Variants in CCDC3 observed in about 807,000 individuals in gnomAD.
CCDC3 encodes coiled-coil domain containing 3.
CCDC3 carries 24 observed loss-of-function variants against 21.4 expected under a neutral mutation model. That is an observed-to-expected ratio of 1.12 (90% confidence interval 0.81 to 1.58). The LOEUF (loss-of-function observed/expected upper bound fraction) is 1.58, where lower values mean the gene tolerates loss of function less well. CCDC3 is among the 40% of genes most tolerant of loss of function. The pLI is 0.00. For missense variants in CCDC3, 425 were observed against 360.9 expected (o/e 1.18, Z -1.44); for synonymous variants, 186 against 166.0 (o/e 1.12, Z -0.93).
At chr10:12,988,731 C>G (rs1835636519) in intron 2 of CCDC3, among the ~76,000 whole-genome samples, 1 of 152,200 alleles carries the variant, frequency 6.6e-6, no homozygotes, top group Non-Finnish European at 1.5e-5. Flanking sequence ...GTGACTGTCT[C>G]TCCCTCATCC....
intron 2 of CCDC3, among the ~76,000 whole-genome samples, chr10:12,923,326 T>A (rs17501479): frequency 0.053 from 8,005 of 152,288 alleles, 234 homozygotes; most frequent in Non-Finnish European, 0.071. Flanking sequence ...ATCATTACTT[T>A]TTCACAAATA....
chr10:12,964,307 G>A (rs931769129), intron 2 of CCDC3, among the ~76,000 whole-genome samples: 1 of 151,962 alleles, frequency 6.6e-6, no homozygotes, highest in Non-Finnish European at 1.5e-5. Flanking sequence ...GGGAGGCAGA[G>A]GTTGCAGTGA....
intron 2 of CCDC3, among the ~76,000 whole-genome samples, chr10:12,953,443 T>TA (rs1392102275): frequency 6.6e-6 from 1 of 152,194 alleles, no homozygotes; most frequent in African/African-American, 2.4e-5. Context: ...TGTAGGGATA[T>TA]ACTGAGGAAA....
At chr10:13,072,009 CA>C (rs1836888454) in intron 4 of CCDC3, among the ~76,000 whole-genome samples, 2 of 152,106 alleles carry the variant, frequency 1.3e-5, no homozygotes, top group African/African-American at 4.8e-5. Context: ...GAAGGGAACC[CA>C]GAAGTCCAAA....
intron 3 of CCDC3, among the ~76,000 whole-genome samples, chr10:13,083,302 A>G (rs995387609): frequency 3.9e-5 from 6 of 152,242 alleles, no homozygotes; most frequent in Admixed American, 1.3e-4. Flanking sequence ...TTCTTTTAAA[A>G]ACTCAAGCAA....
At chr10:13,025,143 G>A (rs896002484) in intron 5 of CCDC3, among the ~76,000 whole-genome samples, 14 of 152,182 alleles carry the variant, frequency 9.2e-5, no homozygotes, top group Non-Finnish European at 2.1e-4. Flanking sequence ...TTGACTTGGA[G>A]TTGGACTGTC....
At chr10:12,968,585 A>C (rs1835295520) in intron 2 of CCDC3, among the ~76,000 whole-genome samples, 1 of 152,228 alleles carries the variant, frequency 6.6e-6, no homozygotes, top group African/African-American at 2.4e-5. Context: ...AATTCAGAAC[A>C]GTCTAATATT....
chr10:13,089,446 A>T (rs139649023), intron 3 of CCDC3, among the ~76,000 whole-genome samples: 1 of 151,920 alleles, frequency 6.6e-6, no homozygotes, highest in South Asian at 2.1e-4. Context: ...TCAATTCTCA[A>T]ACTTGCTTTT....
intron 2 of CCDC3, among the ~76,000 whole-genome samples, chr10:12,956,131 AC>A (rs1372046540): frequency 6.6e-6 from 1 of 152,190 alleles, no homozygotes; most frequent in African/African-American, 2.4e-5. Flanking sequence ...GGCATGAGCC[AC>A]AGCGCCCAGC....
intron 2 of CCDC3, among the ~76,000 whole-genome samples, chr10:12,984,172 G>C (rs931183661): frequency 6.6e-6 from 1 of 152,190 alleles, no homozygotes; most frequent in African/African-American, 2.4e-5. Context: ...TAAGGGTTTA[G>C]TATCCATAAT....
At chr10:13,099,695 T>TATGTCTAGATGTTAACC (rs1372239781), upstream of CCDC3, 1 of 151,932 alleles carries the variant, frequency 6.6e-6, no homozygotes, top group African/African-American at 2.4e-5. Flanking sequence ...CTCAGTTAAC[T>TATGTCTAGATGTTAACC]ATGTCTAGAT....
intron 2 of CCDC3, among the ~76,000 whole-genome samples, chr10:12,960,305 T>A (rs1835162207): frequency 6.6e-6 from 1 of 152,062 alleles, no homozygotes; most frequent in Admixed American, 6.6e-5. Flanking sequence ...AACTCTGGAG[T>A]CATTATTTCA....
intron 2 of CCDC3, among the ~76,000 whole-genome samples, chr10:12,959,131 C>G (rs1379373954): frequency 6.6e-6 from 1 of 151,978 alleles, no homozygotes; most frequent in African/African-American, 2.4e-5. Flanking sequence ...GCAATGGCCC[C>G]CACTCCCAAC....
intron 5 of CCDC3, among the ~76,000 whole-genome samples, chr10:13,019,660 T>G (rs895466259): frequency 6.6e-6 from 1 of 152,328 alleles, no homozygotes. Flanking sequence ...ACATGACTCA[T>G]GATAACGTTT....
intron 2 of CCDC3, among the ~76,000 whole-genome samples, chr10:12,953,895 G>A (rs1336641031): frequency 2.0e-5 from 3 of 152,134 alleles, no homozygotes; most frequent in Non-Finnish European, 4.4e-5. Flanking sequence ...TCAGCTTTGT[G>A]GGCCATCCCA....
At position 13,050,294 on chromosome 10, in the gene CCDC3, A is replaced by G. The variant is rs540714766; in HGVS notation, c.-269-353T>C. 3.5e-4 allele frequency among the ~76,000 whole-genome samples: 53 copies of G among 152,222 alleles called. No homozygotes were observed. In the Middle Eastern group the frequency reaches 0.02, roughly 59 times the overall value. ...AAGGAAGGCAGGCTTTCTCCTTGGT[A>G]ATTGGTGAATCTGTCAGACTGCAGG... On this transcript the variant is annotated intron_variant, in intron 4 of 6. Coordinates refer to the CCDC3 transcript ENST00000378839.
At chr10:12,998,556 G>A in intron 1 of CCDC3, 44 bp from the exon 2 acceptor site, 1 of 1,572,972 alleles carries the variant, frequency 6.4e-7, no homozygotes, top group Non-Finnish European at 8.6e-7. Flanking sequence ...AGACAGTCAA[G>A]GGTGTACCAG....
chr10:12,954,503 T>A (rs1390364461), intron 2 of CCDC3, among the ~76,000 whole-genome samples: 4 of 152,164 alleles, frequency 2.6e-5, no homozygotes, highest in Non-Finnish European at 1.5e-5. Flanking sequence ...ACAAGAAGCA[T>A]GGCGCCAGCA....
chr10:12,957,159 A>T (rs1835101883), intron 2 of CCDC3, among the ~76,000 whole-genome samples: 1 of 152,204 alleles, frequency 6.6e-6, no homozygotes, highest in Non-Finnish European at 1.5e-5. Context: ...TAGCAGGCCC[A>T]GATGGCCTAA....
Sources: allele counts gnomAD v4.1 joint callset (sites outside exome capture counted in the v4.1 genomes callset), GRCh38; gene constraint gnomAD v4.1.1; transcripts MANE v1.5; gene names NCBI Gene and HGNC (gene_info 2026-07-23, HGNC 2026-07-21).